Variants in SFSWAP observed in about 807,000 individuals in gnomAD.
SFSWAP encodes splicing factor, suppressor of white-apricot homolog.
SFSWAP carries 17 observed loss-of-function variants against 100.7 expected under a neutral mutation model. The observed-to-expected ratio is 0.17, with a 90% CI of 0.12 to 0.25. The LOEUF is 0.25. SFSWAP is among the 10% of genes least tolerant of loss of function. The pLI, the probability that SFSWAP is intolerant of heterozygous loss-of-function variation, is 1.00. For missense variants in SFSWAP, 1,005 were observed against 1,262.6 expected, an observed-to-expected ratio of 0.80 and a Z score of 3.09; for synonymous variants, 504 against 510.1, an observed-to-expected ratio of 0.99 and a Z score of 0.16.
At chr12:131,780,638 T>G (rs546483849) in intron 14 of SFSWAP, among the ~76,000 whole-genome samples, 1 of 152,346 alleles carries the variant, frequency 6.6e-6, no homozygotes, top group South Asian at 2.1e-4. Flanking sequence ...CACTCCAGCC[T>G]GGGTGACAGA....
At chr12:131,721,988 T>C (rs528275743) in intron 4 of SFSWAP, among the ~76,000 whole-genome samples, 1 of 152,348 alleles carries the variant, frequency 6.6e-6, no homozygotes, top group South Asian at 2.1e-4. Flanking sequence ...TACACCGTGG[T>C]GTCCATGTTA....
intron 13 of SFSWAP, among the ~76,000 whole-genome samples, chr12:131,768,119 G>A (rs1023999692): frequency 6.6e-6 from 1 of 152,236 alleles, no homozygotes. Flanking sequence ...TGTGGTGACT[G>A]CTCTGCCCTG....
intron 13 of SFSWAP, among the ~76,000 whole-genome samples, chr12:131,772,429 A>G (rs1202797909): frequency 6.6e-6 from 1 of 152,254 alleles, no homozygotes; most frequent in African/African-American, 2.4e-5. Flanking sequence ...ATATAAAAGC[A>G]TATGCAAAAA....
chr12:131,747,040 C>G lies in SFSWAP; in HGVS notation c.1082-6083C>G, dbSNP rs181353572. Among the ~76,000 whole-genome samples the G allele has an allele frequency of 3.0e-3, 443 of 147,420 alleles. 3 individuals are homozygous for G. Among genetic ancestry groups the G allele is most frequent in the African/African-American group, 0.01 (404 of 39,634 alleles). ...AATGGCATCAACCCGGGAGGCAGAG[C>G]TTGCAGTGAGCCGAGATCGCACCAC... On this transcript the variant is annotated intron_variant, in intron 7 of 17. Coordinates refer to ENST00000261674, the MANE Select transcript of SFSWAP (RefSeq NM_004592.4).
intron 12 of SFSWAP, among the ~76,000 whole-genome samples, chr12:131,765,149 G>T (rs1034916330): frequency 1.3e-5 from 2 of 152,204 alleles, no homozygotes; most frequent in African/African-American, 4.8e-5. Flanking sequence ...TTCATGGGCC[G>T]CAGTGTGGCC....
At chr12:131,781,450 G>A (rs1884498730) in intron 14 of SFSWAP, among the ~76,000 whole-genome samples, 1 of 151,498 alleles carries the variant, frequency 6.6e-6, no homozygotes, top group South Asian at 2.1e-4. Context: ...TGTTAGCCAG[G>A]ATGGTCTCGA....
intron 16 of SFSWAP, among the ~76,000 whole-genome samples, chr12:131,798,661 G>A (rs1023609620): frequency 1.3e-5 from 2 of 152,192 alleles, no homozygotes; most frequent in African/African-American, 4.8e-5. Context: ...AGGCCAAGGC[G>A]GGTGGATCAC....
chr12:131,736,401 A>T (rs2100578), intron 7 of SFSWAP, among the ~76,000 whole-genome samples: 26,936 of 152,034 alleles, frequency 0.18, 2,895 homozygotes, highest in African/African-American at 0.3. Flanking sequence ...TTAATTTTTT[A>T]AAAAATGAGG....
At position 131,794,173 on chromosome 12, in the gene SFSWAP, T is replaced by C. The variant is rs1433886005; in HGVS notation, c.2535-3005T>C. On this transcript the variant is annotated intron_variant, in intron 15 of 17. Coordinates refer to ENST00000261674, the MANE Select transcript of SFSWAP (RefSeq NM_004592.4). The surrounding 1 kb of genome is among the most constrained non-coding windows in gnomAD (Gnocchi z 4.8). ...CCTGTCCTGTAATACTATTCATCGG[T>C]AAAAGGAACAAATTGAGGATCACCC... 2.0e-5 allele frequency among the ~76,000 whole-genome samples: 3 copies of C among 152,116 alleles called. No homozygotes were observed. Among genetic ancestry groups the C allele is most frequent in the African/African-American group, 7.2e-5 (3 of 41,436 alleles).
Position 131,714,779 on chromosome 12 carries a change from T to C in SFSWAP, c.389-43T>C. 1 of 1,576,592 alleles carries C rather than the reference T, an allele frequency of 6.3e-7. No individual in the cohort carries two copies. Among genetic ancestry groups the C allele is most frequent in the East Asian group, 2.3e-5 (1 of 44,330 alleles). The stretch of plus-strand genomic sequence containing the variant: ...TAGAAATATATAAAGTTTTTCTCAG[T>C]AATTTTCTATTTTTGTTGATAAAAT... On this transcript the variant is annotated intron_variant, in intron 2 of 17. Transcript: ENST00000261674. The surrounding 1 kb of genome is among the most constrained non-coding windows in gnomAD (Gnocchi z 6.0).
intron 6 of SFSWAP, among the ~76,000 whole-genome samples, chr12:131,727,893 G>C (rs903850622): frequency 2.6e-5 from 4 of 152,206 alleles, no homozygotes; most frequent in Non-Finnish European, 5.9e-5. Flanking sequence ...TTCAGCAGTT[G>C]TGCATTGTGG....
rs986107177 is a variant in SFSWAP, at chr12:131,711,719, C to T, written c.218+272C>T. The T allele has an allele frequency of 4.6e-6, 2 of 433,340 alleles. No homozygotes were observed. Among genetic ancestry groups the T allele is most frequent in the South Asian group, 5.9e-5 (2 of 34,108 alleles). 26.8% of individuals were successfully genotyped at this position (433,340 alleles called of 1,614,324 possible). On this transcript the variant is annotated intron_variant, in intron 1 of 17. Coordinates refer to ENST00000261674, the MANE Select transcript of SFSWAP (RefSeq NM_004592.4). This position sits in a 1 kb window ranked among gnomAD's most constrained non-coding sequence, Gnocchi z 4.9. ...AGCCCCTCTCGACCCCTCACCCTGTCGCTGGGCTGCAGTTGGCGATTCCGC... is the reference window on the plus strand; with the variant it reads ...AGCCCCTCTCGACCCCTCACCCTGTTGCTGGGCTGCAGTTGGCGATTCCGC...
At chr12:131,771,819 C>A (rs768206880) in intron 13 of SFSWAP, among the ~76,000 whole-genome samples, 1 of 152,002 alleles carries the variant, frequency 6.6e-6, no homozygotes, top group East Asian at 1.9e-4. Flanking sequence ...GGCGCCACCA[C>A]GCCCAGGTAA....
intron 7 of SFSWAP, among the ~76,000 whole-genome samples, chr12:131,736,402 A>T (rs961939198): frequency 2.6e-5 from 4 of 152,180 alleles, no homozygotes; most frequent in African/African-American, 7.2e-5. Flanking sequence ...TAATTTTTTA[A>T]AAAATGAGGG....
intron 14 of SFSWAP, 40 bp from the exon 15 acceptor site, chr12:131,786,423 C>A: frequency 6.4e-7 from 1 of 1,559,042 alleles, no homozygotes. Context: ...GTCCCGCCAG[C>A]CAGGCCACAG....
intron 14 of SFSWAP, among the ~76,000 whole-genome samples, chr12:131,782,403 A>G (rs995480883): frequency 6.6e-6 from 1 of 152,246 alleles, no homozygotes. Flanking sequence ...GGAGTATAAA[A>G]GATAACTAAA....
chr12:131,752,646 C>T (rs1187585130), intron 7 of SFSWAP, among the ~76,000 whole-genome samples: 2 of 152,200 alleles, frequency 1.3e-5, no homozygotes, highest in African/African-American at 4.8e-5. Context: ...TCCGGATTAA[C>T]GTGTGAATGG....
intron 13 of SFSWAP, among the ~76,000 whole-genome samples, chr12:131,774,365 G>A (rs980621155): frequency 5.3e-5 from 8 of 152,182 alleles, no homozygotes; most frequent in African/African-American, 1.9e-4. Flanking sequence ...AATCGTTGCT[G>A]GTTCATGTGC....
At chr12:131,731,087 G>T (rs903133948) in intron 7 of SFSWAP, among the ~76,000 whole-genome samples, 2 of 152,176 alleles carry the variant, frequency 1.3e-5, no homozygotes, top group Non-Finnish European at 2.9e-5. Context: ...GTCAGAAGGT[G>T]GGGGAGGTGT....
Sources: allele counts gnomAD v4.1 joint callset (sites outside exome capture counted in the v4.1 genomes callset), GRCh38; gene constraint gnomAD v4.1.1; non-coding constraint Gnocchi (gnomAD v3.1); transcripts MANE v1.5; gene names NCBI Gene and HGNC (gene_info 2026-07-23, HGNC 2026-07-21).